The following ZNF383 variants were observed in gnomAD, a reference collection of about 807,000 sequenced individuals.
ZNF383 encodes the protein zinc finger protein 383.
In ZNF383, 32 loss-of-function variants were observed where a neutral mutation model predicts 44.2. The ratio of observed to expected loss-of-function variants is 0.72; its 90% confidence interval spans 0.55 to 0.97. ZNF383 has a LOEUF of 0.97. Ranked by LOEUF, ZNF383 falls within the 50% of genes least tolerant of loss-of-function variation. The pLI is 0.00. For missense variants in ZNF383, 487 were observed against 562.5 expected (o/e 0.87, Z 1.36); for synonymous variants, 155 against 186.2 (o/e 0.83, Z 1.36).
chr19:37,222,143 T>G (rs894003706), intron 1 of ZNF383, among the ~76,000 whole-genome samples: 3 of 152,074 alleles, frequency 2.0e-5, no homozygotes, highest in African/African-American at 7.2e-5. Context: ...ACTTGAATTT[T>G]GCTTGGCTTC....
At chr19:37,229,774 A>G (rs999344759) in intron 2 of ZNF383, among the ~76,000 whole-genome samples, 1 of 136,276 alleles carries the variant, frequency 7.3e-6, no homozygotes, top group Non-Finnish European at 1.5e-5. Context: ...ATATATGTAT[A>G]TATATGTGTG....
intron 3 of ZNF383, among the ~76,000 whole-genome samples, chr19:37,233,283 A>G (rs1288702147): frequency 6.6e-6 from 1 of 151,790 alleles, no homozygotes; most frequent in Non-Finnish European, 1.5e-5. Flanking sequence ...GGCGCGTGCC[A>G]CCACGCCCAG....
chr19:37,231,712 T>C (rs1245052515), intron 3 of ZNF383, among the ~76,000 whole-genome samples: 1 of 152,150 alleles, frequency 6.6e-6, no homozygotes, highest in Non-Finnish European at 1.5e-5. Context: ...TACCAGATCA[T>C]GTAGCTGCTG....
In ZNF383 at chr19:37,238,814, T is replaced by C. The variant is rs76314963; in HGVS notation, c.232+2740T>C. On this transcript the variant is annotated intron_variant, in intron 5 of 5. Transcript: ENST00000684119. The stretch of plus-strand genomic sequence containing the variant: ...CATTGAATGATTTAGCAGAGTGATA[T>C]TATCATGTTTGCAAAGGATCATTCT... Among the ~76,000 whole-genome samples the C allele has an allele frequency of 7.0e-3, 1,065 of 152,314 alleles. 13 individuals carry two copies. Among genetic ancestry groups the C allele is most frequent in the African/African-American group, 0.024 (996 of 41,558 alleles).
chr19:37,248,238 A>G lies in ZNF383; in HGVS notation c.*4574A>G, dbSNP rs1430896558. 1.3e-5 allele frequency: 2 copies of G among 152,254 alleles called. No homozygotes were observed. The highest frequency in any genetic ancestry group is 4.1e-4 in the South Asian group (2 of 4,834). 9.4% of individuals were successfully genotyped at this position (152,254 alleles called of 1,614,324 possible). ...GTAGAGATTTTTATAGGTGAAATCTATGAAATGTCTTAGGAAACTCTTCTA... is the reference window on the plus strand; with the variant it reads ...GTAGAGATTTTTATAGGTGAAATCTGTGAAATGTCTTAGGAAACTCTTCTA... On this transcript the variant is annotated 3_prime_UTR_variant, in exon 6 of 6. Transcript: ENST00000684119.
intron 5 of ZNF383, among the ~76,000 whole-genome samples, chr19:37,241,363 T>C (rs1599805458): frequency 6.6e-6 from 1 of 152,148 alleles, no homozygotes; most frequent in East Asian, 1.9e-4. Context: ...GAATGACTCA[T>C]AGAAATCAGG....
chr19:37,242,792 A>T lies in ZNF383; in HGVS notation c.556A>T (p.Ile186Phe). 1 of 1,614,134 alleles carries T rather than the reference A, an allele frequency of 6.2e-7. No homozygotes were observed. The highest frequency in any genetic ancestry group is 8.5e-7 in the Non-Finnish European group (1 of 1,179,998). Residue 186 changes from isoleucine (I) to phenylalanine (F), a missense_variant, in exon 6 of 6, where the codon ATT becomes TTT. Ile to Phe is a conservative substitution (Grantham distance 21). Coordinates refer to ENST00000684119, the MANE Select transcript of ZNF383 (RefSeq NM_001387601.1). ...GGCCTTTAGTCAGAACTCACAATTT[A>T]TTCAACATCAGAGAATTCATATTGG... ...GKAFSQNSQF[I>F]QHQRIHIGEK...
rs1568536585 is a variant in ZNF383 at position 37,245,705 on chromosome 19, C to T, written c.*2041C>T. On this transcript the variant is annotated 3_prime_UTR_variant, in exon 6 of 6. Transcript: ENST00000684119. Reference sequence around the variant, plus strand: ...GGCCAGGCTGGTCTTGAACTCTTGACCTTGTGATCCACCCACCTCGGCCTC... The same window carrying T: ...GGCCAGGCTGGTCTTGAACTCTTGATCTTGTGATCCACCCACCTCGGCCTC... The T allele has an allele frequency of 6.6e-6, 1 of 151,556 alleles. No homozygotes were observed. The highest frequency in any genetic ancestry group is 1.5e-5 in the Non-Finnish European group (1 of 67,978). 9.4% of individuals were successfully genotyped at this position (151,556 alleles called of 1,614,324 possible). A position where few individuals can be genotyped will look rare whatever the true frequency, so the allele number is the denominator to read the frequency against.
In ZNF383 at chr19:37,245,999, A is replaced by G. The variant is rs10418461; in HGVS notation, c.*2335A>G. On this transcript the variant is annotated 3_prime_UTR_variant, in exon 6 of 6. Coordinates refer to ENST00000684119, the MANE Select transcript of ZNF383 (RefSeq NM_001387601.1). ...ATTAGTAGAGATGGGGTTTCACCAT[A>G]TTGGCCAGGCTGCTCTCAAACTCCT... The G allele has an allele frequency of 0.22, 33,238 of 150,980 alleles. 3,883 individuals are homozygous for G. The highest frequency in any genetic ancestry group is 0.32 in the South Asian group (1,524 of 4,758). 9.4% of individuals were successfully genotyped at this position (150,980 alleles called of 1,614,324 possible).
chr19:37,219,922 ATT>A (rs1312003263), intron 1 of ZNF383, among the ~76,000 whole-genome samples: 1 of 152,120 alleles, frequency 6.6e-6, no homozygotes, highest in East Asian at 1.9e-4. Flanking sequence ...TCACTTATTA[ATT>A]TAGAAAATAG....
intron 3 of ZNF383, 126 bp from the exon 4 acceptor site, chr19:37,235,423 C>G: frequency 1.1e-6 from 1 of 916,114 alleles, no homozygotes; most frequent in Non-Finnish European, 1.7e-6. Context: ...TTTCTGAAAT[C>G]TAAAGATACA....
intron 1 of ZNF383, among the ~76,000 whole-genome samples, chr19:37,221,734 G>A (rs1276771251): frequency 2.6e-5 from 4 of 151,246 alleles, no homozygotes; most frequent in Non-Finnish European, 5.9e-5. Context: ...AGATCATGAG[G>A]TCAGGAGATC....
At position 37,236,032 on chromosome 19, in the gene ZNF383, C is replaced by T; in HGVS notation, c.190C>T (p.Pro64Ser). 1.9e-6 allele frequency: 3 copies of T among 1,613,566 alleles called. No homozygotes were observed. Among genetic ancestry groups the T allele is most frequent in the Non-Finnish European group, 2.5e-6 (3 of 1,179,764 alleles). Residue 64 changes from proline (P) to serine (S), a missense_variant, in exon 5 of 6, where the codon CCC (proline) becomes TCC (serine). Physicochemically the swap from Pro to Ser is moderately conservative, Grantham distance 74 (BLOSUM62 -1). Transcript: ENST00000684119. The part of the protein sequence containing the change: ...VISLLEQGKE[P>S]WMVGRELTRG... The stretch of plus-strand genomic sequence containing the variant: ...CTCCTTATTGGAACAAGGGAAAGAG[C>T]CCTGGATGGTTGGCAGAGAGCTTAC...
intron 5 of ZNF383, among the ~76,000 whole-genome samples, chr19:37,239,080 C>T (rs933359660): frequency 8.5e-5 from 13 of 152,212 alleles, no homozygotes; most frequent in South Asian, 2.1e-4. Flanking sequence ...CCACTGCGCC[C>T]GGCTCATTTT....
rs1297152446 is a variant in ZNF383, at chr19:37,244,837, G to A, written c.*1173G>A. ...CTATACTTTGCTTTTTTAAGAAAGT[G>A]TAATTATGATATGCATGCTGTACCC... On this transcript the variant is annotated 3_prime_UTR_variant, in exon 6 of 6. Coordinates refer to ENST00000684119, the MANE Select transcript of ZNF383 (RefSeq NM_001387601.1). 1 of 152,194 alleles carries A rather than the reference G, an allele frequency of 6.6e-6. No homozygotes were observed. The highest frequency in any genetic ancestry group is 2.4e-5 in the African/African-American group (1 of 41,454). 9.4% of individuals were successfully genotyped at this position (152,194 alleles called of 1,614,324 possible).
At chr19:37,223,634 T>C (rs1185012912) in intron 1 of ZNF383, among the ~76,000 whole-genome samples, 1 of 152,194 alleles carries the variant, frequency 6.6e-6, no homozygotes, top group African/African-American at 2.4e-5. Flanking sequence ...GTGATAGATA[T>C]TTAAAATATT....
intron 1 of ZNF383, among the ~76,000 whole-genome samples, chr19:37,220,424 C>T (rs1168824899): frequency 2.0e-5 from 3 of 152,078 alleles, no homozygotes; most frequent in Non-Finnish European, 2.9e-5. Context: ...GCCATCATGC[C>T]TGGCTAATTT....
rs1972862829 is a variant in ZNF383, at chr19:37,220,375, C to G, written c.-168+2101C>G. Among the ~76,000 whole-genome samples, 2 of 152,124 alleles carry G rather than the reference C, an allele frequency of 1.3e-5. 1 individual carries two copies. Among genetic ancestry groups the G allele is most frequent in the South Asian group, 4.1e-4 (2 of 4,826 alleles). ...CGCCTCCCGAGTTCAAGCAATTCTC[C>G]CGCTCCAGCCTCCTGAGTAGCTGTG... is the stretch of plus-strand genomic sequence containing the variant. On this transcript the variant is annotated intron_variant, in intron 1 of 5. Coordinates refer to ENST00000684119, the MANE Select transcript of ZNF383 (RefSeq NM_001387601.1).
At chr19:37,233,455 A>T (rs577000458) in intron 3 of ZNF383, among the ~76,000 whole-genome samples, 5 of 146,058 alleles carry the variant, frequency 3.4e-5, no homozygotes, top group Non-Finnish European at 6.0e-5. Context: ...TTTGGGATGG[A>T]GTCTTGCTCT....
Sources: allele counts gnomAD v4.1 joint callset (sites outside exome capture counted in the v4.1 genomes callset), GRCh38; gene constraint gnomAD v4.1.1; transcripts MANE v1.5; gene names NCBI Gene and HGNC (gene_info 2026-07-23, HGNC 2026-07-21).